Variants in NPSR1 observed in about 807,000 individuals in gnomAD.
The protein encoded by NPSR1 is neuropeptide S receptor 1.
NPSR1 carries 48 observed loss-of-function variants against 46.9 expected under a neutral mutation model. The observed-to-expected ratio is 1.02, with a 90% CI of 0.81 to 1.30. The LOEUF (loss-of-function observed/expected upper bound fraction) is 1.30, where lower values mean the gene tolerates loss of function less well. Among genes scored for constraint, NPSR1 ranks in the 50% most tolerant of loss-of-function variants. The pLI is 0.00. For synonymous variants in NPSR1, 176 were observed against 168.1 expected (o/e 1.05, Z -0.36); for missense variants, 450 against 449.5 (o/e 1.00, Z -0.01).
Position 34,676,694 on chromosome 7 carries a change from C to T in NPSR1, c.148-7858C>T, listed in dbSNP as rs144152409. ...CTGTTTTATTCTCTTGTAGCACCAA[C>T]GCCTTACACTGTGTCTGGCATAGAG... On this transcript the variant is annotated intron_variant, in intron 1 of 8. Transcript: ENST00000360581. Among the ~76,000 whole-genome samples the T allele has an allele frequency of 2.6e-4, 40 of 152,304 alleles. No individual in the cohort carries two copies. The East Asian group carries it at 6.4e-3, about 24-fold the overall frequency.
intron 2 of NPSR1, among the ~76,000 whole-genome samples, chr7:34,703,632 T>G (rs1303823115): frequency 6.6e-6 from 1 of 152,170 alleles, no homozygotes; most frequent in African/African-American, 2.4e-5. Context: ...CTAATTATTC[T>G]CTATATATTC....
At chr7:34,727,024 ATG>A (rs1784189385) in intron 2 of NPSR1, among the ~76,000 whole-genome samples, 2 of 152,136 alleles carry the variant, frequency 1.3e-5, no homozygotes, top group South Asian at 4.1e-4. Flanking sequence ...TTGGGTGATG[ATG>A]ATGTGTCAAT....
intron 5 of NPSR1, among the ~76,000 whole-genome samples, chr7:34,828,360 C>CA (rs1392359819): frequency 6.6e-6 from 1 of 152,120 alleles, no homozygotes; most frequent in Non-Finnish European, 1.5e-5. Flanking sequence ...ATGACCTTGG[C>CA]AAAAAAGTCA....
intron 2 of NPSR1, among the ~76,000 whole-genome samples, chr7:34,718,125 T>A (rs573763375): frequency 1.3e-5 from 2 of 152,372 alleles, no homozygotes; most frequent in African/African-American, 4.8e-5. Flanking sequence ...CAGATATTTA[T>A]CATTTTAAAA....
At chr7:34,803,369 A>C (rs2128748170) in intron 3 of NPSR1, among the ~76,000 whole-genome samples, 1 of 152,336 alleles carries the variant, frequency 6.6e-6, no homozygotes, top group South Asian at 2.1e-4. Context: ...CATATACACC[A>C]TGGAATACTA....
At chr7:34,875,168 T>C (rs1429673683) in intron 8 of NPSR1, among the ~76,000 whole-genome samples, 7 of 152,232 alleles carry the variant, frequency 4.6e-5, no homozygotes, top group Non-Finnish European at 7.3e-5. Context: ...GAACTCTTCA[T>C]GACAATGAAA....
chr7:34,790,559 G>C (rs1383850523), intron 3 of NPSR1, among the ~76,000 whole-genome samples: 1 of 150,426 alleles, frequency 6.6e-6, no homozygotes, highest in African/African-American at 2.4e-5. Flanking sequence ...AAAAAGAAAG[G>C]CATTCACATC....
At chr7:34,737,374 C>T (rs535259877) in intron 2 of NPSR1, among the ~76,000 whole-genome samples, 11 of 151,798 alleles carry the variant, frequency 7.2e-5, no homozygotes, top group African/African-American at 2.7e-4. Flanking sequence ...AAAGAAGAAG[C>T]TTATTCATCC....
At chr7:34,846,069 A>G (rs775442945) in intron 7 of NPSR1, among the ~76,000 whole-genome samples, 1 of 152,212 alleles carries the variant, frequency 6.6e-6, no homozygotes, top group Non-Finnish European at 1.5e-5. Context: ...ACAACACTGC[A>G]GGCGGAACTG....
chr7:34,751,987 A>G, intron 2 of NPSR1: 1 of 902,162 alleles, frequency 1.1e-6, no homozygotes, highest in East Asian at 2.4e-5. Context: ...CTACTGTCAG[A>G]GATGTTGGCG....
chr7:34,772,636 A>G (rs1786739212), intron 2 of NPSR1, among the ~76,000 whole-genome samples: 1 of 151,976 alleles, frequency 6.6e-6, no homozygotes, highest in South Asian at 2.1e-4. Context: ...AATAATGAAG[A>G]CTCAATTTCA....
chr7:34,848,679 G>C lies in NPSR1; in HGVS notation c.1025+16G>C. ...TCCCCTGCAGGTAAGGGGAGCTCTT[G>C]CATGGGTCAGACACACTGATGGCCA... On this transcript the variant is annotated intron_variant, in intron 8 of 8. Coordinates refer to ENST00000360581, the MANE Select transcript of NPSR1 (RefSeq NM_207172.2). 1 of 1,610,402 alleles carries C rather than the reference G, an allele frequency of 6.2e-7. No homozygotes were observed. Among genetic ancestry groups the C allele is most frequent in the Non-Finnish European group, 8.5e-7 (1 of 1,178,344 alleles).
intron 2 of NPSR1, among the ~76,000 whole-genome samples, chr7:34,720,578 T>C (rs1783804859): frequency 6.6e-6 from 1 of 152,036 alleles, no homozygotes; most frequent in Non-Finnish European, 1.5e-5. Context: ...TTGAGAGTTG[T>C]GTGTGATGTG....
At chr7:34,693,644 C>T (rs1427967165) in intron 2 of NPSR1, among the ~76,000 whole-genome samples, 2 of 152,136 alleles carry the variant, frequency 1.3e-5, no homozygotes, top group Non-Finnish European at 2.9e-5. Context: ...TCCTATAAAA[C>T]CAGTATCACC....
chr7:34,863,063 T>C (rs966666742), intron 8 of NPSR1, among the ~76,000 whole-genome samples: 11 of 151,840 alleles, frequency 7.2e-5, no homozygotes, highest in African/African-American at 2.7e-4. Flanking sequence ...AACAGAGGCC[T>C]CAGAAATAAT....
At chr7:34,760,812 A>G (rs974949100) in intron 2 of NPSR1, among the ~76,000 whole-genome samples, 2 of 152,176 alleles carry the variant, frequency 1.3e-5, no homozygotes, top group Non-Finnish European at 2.9e-5. Flanking sequence ...CTTTATATTC[A>G]GTACTTTGAT....
chr7:34,802,120 C>T (rs1354604753), intron 3 of NPSR1, among the ~76,000 whole-genome samples: 2 of 150,152 alleles, frequency 1.3e-5, no homozygotes, highest in Non-Finnish European at 1.5e-5. Context: ...GAATCAATAT[C>T]GTGAAAATGC....
chr7:34,814,996 A>G (rs1368149698), intron 4 of NPSR1, among the ~76,000 whole-genome samples: 1 of 152,220 alleles, frequency 6.6e-6, no homozygotes, highest in Non-Finnish European at 1.5e-5. Flanking sequence ...TCTAAAAATC[A>G]GAGCGCCTCT....
At chr7:34,696,701 T>G (rs1475409241) in intron 2 of NPSR1, among the ~76,000 whole-genome samples, 1 of 150,978 alleles carries the variant, frequency 6.6e-6, no homozygotes, top group Non-Finnish European at 1.5e-5. Context: ...AAAAAGAAAA[T>G]AAAAAGCATA....
Sources: gnomAD v4.1 joint callset for allele counts (sites outside exome capture counted in the v4.1 genomes callset) on GRCh38, gnomAD v4.1.1 for gene constraint, MANE v1.5 for transcripts, NCBI Gene and HGNC (gene_info 2026-07-23, HGNC 2026-07-21) for gene names.